The following CDH11 variants were observed in gnomAD, a reference collection of about 807,000 sequenced individuals.
CDH11 encodes cadherin-11.
A neutral mutation model predicts 67.8 loss-of-function variants in CDH11; 11 were observed. The ratio of observed to expected loss-of-function variants is 0.16; its 90% CI spans 0.10 to 0.27. The LOEUF (loss-of-function observed/expected upper bound fraction) is 0.27, where lower values mean the gene tolerates loss of function less well. CDH11 is among the 10% of genes least tolerant of loss of function. The pLI is 1.00. For missense variants in CDH11, 847 were observed against 1,031.2 expected (o/e 0.82, Z 2.45); for synonymous variants, 419 against 400.0 (o/e 1.05, Z -0.57).
In CDH11 at chr16:64,946,127, C is replaced by T. The variant is rs2142359630; in HGVS notation, c.*1476G>A. 9.5e-7 allele frequency: 1 copy of T among 1,055,864 alleles called. No individual in the cohort carries two copies. Among genetic ancestry groups the T allele is most frequent in the South Asian group, 4.6e-5 (1 of 21,880 alleles). 65.4% of individuals were successfully genotyped at this position (1,055,864 alleles called of 1,614,324 possible). ...CTGCCCTCATTCTGAGCTTACGGCC[C>T]CAAGCATATTCTAAACAAAGCTTTT... On this transcript the variant is annotated 3_prime_UTR_variant, in exon 13 of 13. Transcript: ENST00000268603.
At chr16:65,082,598 G>A (rs2074630011) in intron 1 of CDH11, among the ~76,000 whole-genome samples, 1 of 152,156 alleles carries the variant, frequency 6.6e-6, no homozygotes, top group South Asian at 2.1e-4. Flanking sequence ...TGTCTGGGAG[G>A]AAATAATTAT....
intron 11 of CDH11, among the ~76,000 whole-genome samples, chr16:64,968,119 C>T (rs2071892457): frequency 6.6e-6 from 1 of 152,112 alleles, no homozygotes; most frequent in South Asian, 2.1e-4. Flanking sequence ...CAACAGGGCC[C>T]TCCAAATATT....
chr16:64,968,530 T>G (rs2071908370), intron 11 of CDH11: 3 of 985,386 alleles, frequency 3.0e-6, no homozygotes, highest in Non-Finnish European at 3.6e-6. Context: ...CATCCAGTGT[T>G]CTATTTTCCT....
intron 3 of CDH11, among the ~76,000 whole-genome samples, chr16:65,002,938 T>C (rs772894078): frequency 2.0e-5 from 3 of 151,364 alleles, no homozygotes; most frequent in Non-Finnish European, 1.5e-5. Context: ...TTCTTTTTTT[T>C]TTTTTAATTG....
chr16:65,075,590 T>A (rs1278255710), intron 1 of CDH11, among the ~76,000 whole-genome samples: 1 of 152,198 alleles, frequency 6.6e-6, no homozygotes, highest in African/African-American at 2.4e-5. Context: ...GCAAGGATCT[T>A]TGAATCACTG....
chr16:65,123,159 C>A (rs1055507989), upstream of CDH11, among the ~76,000 whole-genome samples: 13 of 152,072 alleles, frequency 8.5e-5, no homozygotes, highest in Admixed American at 8.5e-4. Flanking sequence ...CTCGCGGTAC[C>A]GGGAACGGCG....
At position 65,004,577 on chromosome 16, in the gene CDH11, C is replaced by T. The variant is rs2073004026; in HGVS notation, c.228+65G>A. The T allele has an allele frequency of 5.3e-6, 8 of 1,506,682 alleles. No homozygotes were observed. The South Asian group carries it at 9.2e-5, about 17-fold the overall frequency. 93.3% of individuals were successfully genotyped at this position (1,506,682 alleles called of 1,614,324 possible). A position where few individuals can be genotyped will look rare whatever the true frequency, so the allele number is the denominator to read the frequency against. On this transcript the variant is annotated intron_variant, in intron 3 of 12. Coordinates refer to ENST00000268603, the MANE Select transcript of CDH11 (RefSeq NM_001797.4). ...ATGCCTGTGGGCCTTTTGCTTCTTT[C>T]TGGCCACAGACGACTATTCCAATGG... is the stretch of plus-strand genomic sequence containing the variant.
rs140937108 is a variant in CDH11 at position 64,970,686 on chromosome 16, C to T, written c.1642+893G>A. On this transcript the variant is annotated intron_variant, in intron 11 of 12. Transcript: ENST00000268603. The stretch of plus-strand genomic sequence containing the variant: ...AAGATCCTCTAAGCCTGTTCTCAGT[C>T]GCAGGGAAAGCAATCAACCTATGGC... Among the ~76,000 whole-genome samples the T allele has an allele frequency of 1.7e-3, 262 of 152,272 alleles. 2 individuals carry two copies. The highest frequency in any genetic ancestry group is 3.4e-3 in the Middle Eastern group (1 of 294).
intron 1 of CDH11, among the ~76,000 whole-genome samples, chr16:65,091,461 C>T (rs2074791021): frequency 6.6e-6 from 1 of 152,096 alleles, no homozygotes; most frequent in Non-Finnish European, 1.5e-5. Flanking sequence ...CATCAATGTC[C>T]CTGAATCCCA....
In CDH11 at chr16:64,977,434, G is replaced by A. The variant is rs138845681; in HGVS notation, c.1254-4394C>T. ...GGAGACAATGAGGTGCAGAGGAAAT[G>A]AGTGAGTGTTTTTACGTCACAGTCA... On this transcript the variant is annotated intron_variant, in intron 8 of 12. Transcript: ENST00000268603. 1.6e-4 allele frequency among the ~76,000 whole-genome samples: 25 copies of A among 152,292 alleles called. No homozygotes were observed. The East Asian group carries it at 4.6e-3, about 28-fold the overall frequency.
At chr16:65,074,836 CA>C (rs2057003093) in intron 1 of CDH11, among the ~76,000 whole-genome samples, 1 of 152,140 alleles carries the variant, frequency 6.6e-6, no homozygotes, top group African/African-American at 2.4e-5. Context: ...AATTATTATA[CA>C]GAACAATGCA....
intron 1 of CDH11, among the ~76,000 whole-genome samples, chr16:65,054,927 CAAGCA>C (rs888214353): frequency 1.3e-5 from 2 of 152,172 alleles, no homozygotes; most frequent in Non-Finnish European, 2.9e-5. Context: ...AAACAACAAA[CAAGCA>C]AACAAAAGCC....
In CDH11 at chr16:64,998,687, C is replaced by A. The variant is rs779503948; in HGVS notation, c.398G>T (p.Arg133Met). The stretch of plus-strand genomic sequence containing the variant: ...TGGCTCCAGTGGCCGATTGGTGTCC[C>A]TGTCCACCGCCTGAGCCATCAACGT... ...QYTLMAQAVDRDTNRPLEPPS... is the reference protein window; with the variant it reads ...QYTLMAQAVDMDTNRPLEPPS... The change falls in exon 4 of 13, where the codon AGG becomes ATG. Residue 133 changes from arginine to methionine, a missense_variant. Arg to Met is a moderately conservative substitution (Grantham distance 91). Coordinates refer to ENST00000268603, the MANE Select transcript of CDH11 (RefSeq NM_001797.4). 1.9e-6 allele frequency: 3 copies of A among 1,614,032 alleles called. No individual in the cohort carries two copies. In the African/African-American group the frequency reaches 4.0e-5, roughly 22 times the overall value.
chr16:65,018,300 C>T (rs923766721), intron 2 of CDH11, among the ~76,000 whole-genome samples: 6 of 152,100 alleles, frequency 3.9e-5, no homozygotes, highest in African/African-American at 1.2e-4. Context: ...CTTTTATTGG[C>T]TCTATAAGTC....
intron 12 of CDH11, among the ~76,000 whole-genome samples, chr16:64,949,915 A>T (rs1431950418): frequency 2.0e-5 from 3 of 152,144 alleles, no homozygotes; most frequent in Non-Finnish European, 4.4e-5. Context: ...GAGAATACCC[A>T]GTAACTATTT....
intron 1 of CDH11, among the ~76,000 whole-genome samples, chr16:65,110,151 A>G (rs775450891): frequency 1.3e-5 from 2 of 152,146 alleles, no homozygotes; most frequent in African/African-American, 4.8e-5. Context: ...GATTATAGGC[A>G]TGAGTCATTG....
At chr16:65,002,617 T>C (rs566750718) in intron 3 of CDH11, among the ~76,000 whole-genome samples, 74 of 152,358 alleles carry the variant, frequency 4.9e-4, no homozygotes, top group African/African-American at 1.6e-3. Flanking sequence ...TTTCCAAACT[T>C]ACACAATGTC....
intron 3 of CDH11, 46 bp downstream of exon 3, chr16:65,004,596 C>T: frequency 1.3e-6 from 2 of 1,570,990 alleles, no homozygotes; most frequent in East Asian, 2.3e-5. Context: ...GACGACTATT[C>T]CAATGGTGGG....
upstream of CDH11, chr16:65,122,129 T>TG: frequency 1.2e-4 from 7 of 56,098 alleles, no homozygotes; most frequent in Non-Finnish European, 2.0e-4. Flanking sequence ...GGCAGGCGGG[T>TG]GCGGGGCGGG....
Sources: gnomAD v4.1 joint callset for allele counts (sites outside exome capture counted in the v4.1 genomes callset) on GRCh38, gnomAD v4.1.1 for gene constraint, MANE v1.5 for transcripts, NCBI Gene and HGNC (gene_info 2026-07-23, HGNC 2026-07-21) for gene names.